The following RPS6KA2 variants were observed in gnomAD, a reference collection of about 807,000 sequenced individuals.
RPS6KA2 encodes ribosomal protein S6 kinase alpha-2.
In RPS6KA2, 42 loss-of-function variants were observed where a neutral mutation model predicts 91.8. That is an observed-to-expected ratio of 0.46 (90% CI 0.36 to 0.59). The LOEUF is 0.59. Among genes scored for constraint, RPS6KA2 ranks in the 20% least tolerant of loss-of-function variants. The probability of loss-of-function intolerance (pLI) is 0.00; values close to 1 mark genes in which losing one functional copy is unlikely to be tolerated. For missense variants in RPS6KA2, 798 were observed against 978.5 expected, an observed-to-expected ratio of 0.82 and a Z score of 2.46; for synonymous variants, 414 against 393.6, an observed-to-expected ratio of 1.05 and a Z score of -0.61.
At chr6:166,700,349 A>G (rs1244441040) in intron 2 of RPS6KA2, among the ~76,000 whole-genome samples, 1 of 152,146 alleles carries the variant, frequency 6.6e-6, no homozygotes, top group East Asian at 1.9e-4. Context: ...GCCTCAAAAA[A>G]CCCTGAAATT....
At position 166,481,620 on chromosome 6, in the gene RPS6KA2, T is replaced by C. The variant is rs139202354; in HGVS notation, c.907+7213A>G. On this transcript the variant is annotated intron_variant, in intron 10 of 20. Coordinates refer to ENST00000265678, the MANE Select transcript of RPS6KA2 (RefSeq NM_021135.6). Reference sequence around the variant, plus strand: ...AGTATGTGCTGCAGAGTGGAGGCCTTTGCTGAGTTCTCTGATGAGATGGTA... The same window carrying C: ...AGTATGTGCTGCAGAGTGGAGGCCTCTGCTGAGTTCTCTGATGAGATGGTA... Among the ~76,000 whole-genome samples the C allele has an allele frequency of 1.4e-3, 182 of 129,948 alleles. 3 individuals are homozygous for C. In the East Asian group the frequency reaches 0.025, roughly 18 times the overall value. 85.3% of individuals were successfully genotyped at this position (129,948 alleles called of 152,430 possible).
chr6:166,417,531 C>T lies in RPS6KA2; in HGVS notation c.1938+694G>A, dbSNP rs1248355445. Among the ~76,000 whole-genome samples, 4 of 152,138 alleles carry T rather than the reference C, an allele frequency of 2.6e-5. No individual in the cohort carries two copies. The East Asian group carries it at 7.7e-4, about 29-fold the overall frequency. The stretch of plus-strand genomic sequence containing the variant: ...CTGCCCCATCCATTTCTCCTTGGGG[C>T]TCCAGCCTGCCGGCTGCCCTGCAGT... On this transcript the variant is annotated intron_variant, in intron 19 of 20. Transcript: ENST00000265678.
At position 166,771,376 on chromosome 6, in the gene RPS6KA2, A is replaced by G. The variant is rs540349439; in HGVS notation, c.123+86824T>C. Reference sequence around the variant, plus strand: ...ATCTGTAATACGCTCGCATACACCTAGTTAAAATTCCAATCGTGCTTGGTC... The same window carrying G: ...ATCTGTAATACGCTCGCATACACCTGGTTAAAATTCCAATCGTGCTTGGTC... On this transcript the variant is annotated intron_variant, in intron 2 of 21. Coordinates refer to the RPS6KA2 transcript ENST00000503859. Among the ~76,000 whole-genome samples the G allele has an allele frequency of 2.0e-5, 3 of 152,320 alleles. No homozygotes were observed. In the South Asian group the frequency reaches 6.2e-4, roughly 32 times the overall value.
At chr6:166,463,431 T>G (rs1402411179) in intron 11 of RPS6KA2, 1 of 152,220 alleles carries the variant, frequency 6.6e-6, no homozygotes, top group Non-Finnish European at 1.5e-5. Flanking sequence ...TGCAGTCTCA[T>G]GATCAAATTC....
At chr6:166,479,983 C>A (rs780950757) in intron 10 of RPS6KA2, among the ~76,000 whole-genome samples, 16 of 150,176 alleles carry the variant, frequency 1.1e-4, no homozygotes, top group Non-Finnish European at 1.6e-4. Context: ...CCTGTGTAGA[C>A]GACGGTAATT....
At chr6:166,630,684 T>C (rs999616019), upstream of RPS6KA2, among the ~76,000 whole-genome samples, 3 of 152,190 alleles carry the variant, frequency 2.0e-5, no homozygotes, top group African/African-American at 7.2e-5. Flanking sequence ...GGAGGTGGGC[T>C]TCAGTGTGTG....
At chr6:166,702,598 C>T (rs569630718) in intron 2 of RPS6KA2, 20 of 1,552,474 alleles carry the variant, frequency 1.3e-5, no homozygotes, top group South Asian at 3.3e-5. Flanking sequence ...CTGAAGTTTC[C>T]GAATCCTTTG....
intron 1 of RPS6KA2, among the ~76,000 whole-genome samples, chr6:166,573,974 G>A (rs1291557917): frequency 6.6e-6 from 1 of 151,986 alleles, no homozygotes; most frequent in Non-Finnish European, 1.5e-5. Flanking sequence ...TCTTTAAAAG[G>A]ACTCTCAGTC....
chr6:166,424,331 G>A (rs1778834406), intron 16 of RPS6KA2, among the ~76,000 whole-genome samples: 1 of 151,516 alleles, frequency 6.6e-6, no homozygotes, highest in Non-Finnish European at 1.5e-5. Flanking sequence ...GGAAGTAAGT[G>A]CTTAATGCTC....
chr6:166,538,196 G>A (rs753392212), intron 2 of RPS6KA2, among the ~76,000 whole-genome samples: 5 of 152,156 alleles, frequency 3.3e-5, no homozygotes, highest in Non-Finnish European at 4.4e-5. Context: ...TGAGGCAATC[G>A]TGCAGGGTGA....
chr6:166,552,530 A>C (rs538307534), intron 1 of RPS6KA2, among the ~76,000 whole-genome samples: 144 of 151,804 alleles, frequency 9.5e-4, no homozygotes, highest in Non-Finnish European at 1.6e-3. Context: ...GTATTATAAA[A>C]GTTTTTTTTT....
At position 166,767,178 on chromosome 6, in the gene RPS6KA2, T is replaced by C. The variant is rs1440705777; in HGVS notation, c.123+91022A>G. ...AACAGACTGAAGAACCAGACTTTTG[T>C]ATTTTATCCCCTAGACTCTGCCCAG... On this transcript the variant is annotated intron_variant, in intron 2 of 21. Coordinates refer to the RPS6KA2 transcript ENST00000503859. This position sits in a 1 kb window ranked among gnomAD's most constrained non-coding sequence, Gnocchi z 4.6. 3.9e-5 allele frequency among the ~76,000 whole-genome samples: 6 copies of C among 152,230 alleles called. No homozygotes were observed. The highest frequency in any genetic ancestry group is 8.8e-5 in the Non-Finnish European group (6 of 68,046).
intron 2 of RPS6KA2, among the ~76,000 whole-genome samples, chr6:166,730,964 C>T (rs1790493080): frequency 6.6e-6 from 1 of 152,152 alleles, no homozygotes; most frequent in Admixed American, 6.5e-5. Context: ...TGTCATCCGC[C>T]GGGTGCAGTG....
At chr6:166,424,262 A>G (rs752008678) in intron 16 of RPS6KA2, among the ~76,000 whole-genome samples, 5 of 152,194 alleles carry the variant, frequency 3.3e-5, no homozygotes, top group Admixed American at 6.5e-5. Flanking sequence ...ATACAAGCAG[A>G]TCTGCAGAAA....
intron 16 of RPS6KA2, among the ~76,000 whole-genome samples, chr6:166,429,292 G>A (rs1293405945): frequency 2.5e-5 from 3 of 120,444 alleles, no homozygotes; most frequent in Non-Finnish European, 5.1e-5. Flanking sequence ...GTTGTGGGGT[G>A]GGGGGAGGGG....
chr6:166,571,740 C>T (rs1397779322), intron 1 of RPS6KA2, among the ~76,000 whole-genome samples: 2 of 151,708 alleles, frequency 1.3e-5, no homozygotes, highest in African/African-American at 4.8e-5. Context: ...CTAACATTTG[C>T]CACGTTGAGC....
intron 2 of RPS6KA2, among the ~76,000 whole-genome samples, chr6:166,779,803 G>T (rs1448802211): frequency 6.6e-6 from 1 of 152,150 alleles, no homozygotes; most frequent in African/African-American, 2.4e-5. Context: ...AGTGAGGGCG[G>T]CCAAGAGAAA....
At chr6:166,758,247 T>G (rs79270422) in intron 2 of RPS6KA2, among the ~76,000 whole-genome samples, 2,824 of 152,178 alleles carry the variant, frequency 0.019, 87 homozygotes, top group African/African-American at 0.063. Flanking sequence ...TGCGAGGATG[T>G]CATCACCCTG....
At chr6:166,754,567 G>A (rs568442919) in intron 2 of RPS6KA2, among the ~76,000 whole-genome samples, 9 of 152,228 alleles carry the variant, frequency 5.9e-5, no homozygotes, top group East Asian at 1.9e-4. Flanking sequence ...GGCCCAGAGC[G>A]TGAGAGTCCA....
Sources: gnomAD v4.1 joint callset for allele counts (sites outside exome capture counted in the v4.1 genomes callset) on GRCh38, gnomAD v4.1.1 for gene constraint, Gnocchi (gnomAD v3.1) non-coding constraint, MANE v1.5 for transcripts, NCBI Gene and HGNC (gene_info 2026-07-23, HGNC 2026-07-21) for gene names.